The following DCAF8L2 variants were observed in gnomAD, a reference collection of about 807,000 sequenced individuals.
The protein encoded by DCAF8L2 is DDB1 and CUL4 associated factor 8 like 2, also known as DDB1- and CUL4-associated factor 8-like protein 2.
For synonymous variants in DCAF8L2, 200 were observed against 190.9 expected (o/e 1.05, Z -0.39); for missense variants, 430 against 490.7 (o/e 0.88, Z 1.17).
At chrX:27,720,775 AATT>A (rs1931877083) in intron 4 of DCAF8L2, among the ~76,000 whole-genome samples, 1 of 112,059 alleles carries the variant, frequency 8.9e-6, no homozygotes, top group African/African-American at 3.2e-5. Flanking sequence ...ATTTCAAAAA[AATT>A]TAGTCTTCTA....
At chrX:27,568,878 G>A in the DCAF8L2 span, among the ~76,000 whole-genome samples, 1 of 102,206 alleles carries the variant, frequency 9.8e-6, no homozygotes, top group East Asian at 3.1e-4. Context: ...GTGTCCATGT[G>A]TTCTCATTGT....
the DCAF8L2 span, among the ~76,000 whole-genome samples, chrX:27,576,932 A>G: frequency 1.8e-5 from 2 of 111,858 alleles, no homozygotes; most frequent in Admixed American, 1.9e-4. Context: ...GACAAATGAC[A>G]TTGTGACATA....
chrX:27,605,403 A>C (rs954540255), intron 1 of DCAF8L2, among the ~76,000 whole-genome samples: 1 of 111,365 alleles, frequency 9.0e-6, no homozygotes, highest in Non-Finnish European at 1.9e-5. Context: ...GAACTTGAAA[A>C]TTATTTTTCT....
chrX:27,695,678 CT>C (rs1232542277), intron 3 of DCAF8L2, among the ~76,000 whole-genome samples: 1 of 111,281 alleles, frequency 9.0e-6, no homozygotes, highest in Non-Finnish European at 1.9e-5. Context: ...ATATAATAAC[CT>C]TCTCTATAAT....
At chrX:27,506,205 A>C in the DCAF8L2 span, among the ~76,000 whole-genome samples, 2 of 111,762 alleles carry the variant, frequency 1.8e-5, no homozygotes, top group East Asian at 2.8e-4. Context: ...TCAGTGAAAA[A>C]ATTTTCATTC....
chrX:27,490,434 TTGTG>T, the DCAF8L2 span, among the ~76,000 whole-genome samples: 1 of 110,011 alleles, frequency 9.1e-6, no homozygotes, highest in Admixed American at 9.6e-5. Flanking sequence ...GTTTTTTTGT[TTGTG>T]TGTTTGTTTG....
chrX:27,619,596 G>C (rs932227531), intron 1 of DCAF8L2, among the ~76,000 whole-genome samples: 1 of 112,048 alleles, frequency 8.9e-6, no homozygotes, highest in South Asian at 3.7e-4. Context: ...ATTCAAAGAA[G>C]CTAGTGTAAT....
At chrX:27,726,611 C>T (rs1308022300) in intron 4 of DCAF8L2, among the ~76,000 whole-genome samples, 1 of 111,367 alleles carries the variant, frequency 9.0e-6, no homozygotes, top group African/African-American at 3.3e-5. Flanking sequence ...TAATGACTGT[C>T]CTGCCTTCCA....
At chrX:27,709,210 G>A (rs748627671) in intron 3 of DCAF8L2, among the ~76,000 whole-genome samples, 13 of 111,753 alleles carry the variant, frequency 1.2e-4, no homozygotes, top group Non-Finnish European at 2.1e-4. Context: ...GTGAGCCACC[G>A]CGCCCGACCA....
At chrX:27,506,200 G>A in the DCAF8L2 span, among the ~76,000 whole-genome samples, 2 of 111,385 alleles carry the variant, frequency 1.8e-5, no homozygotes, top group Non-Finnish European at 3.8e-5. Context: ...ATAAATCAGT[G>A]AAAAAATTTT....
intron 2 of DCAF8L2, among the ~76,000 whole-genome samples, chrX:27,672,855 G>C (rs1929996215): frequency 8.9e-6 from 1 of 111,786 alleles, no homozygotes; most frequent in Admixed American, 9.6e-5. Flanking sequence ...TTTCCAGTTG[G>C]AGTGATAAGA....
chrX:27,503,390 A>T, the DCAF8L2 span, among the ~76,000 whole-genome samples: 2 of 110,497 alleles, frequency 1.8e-5, no homozygotes, highest in African/African-American at 3.3e-5. Flanking sequence ...TAGGTCATAA[A>T]TTTTTTTCTG....
the DCAF8L2 span, among the ~76,000 whole-genome samples, chrX:27,491,942 C>T: frequency 1.8e-5 from 2 of 112,051 alleles, no homozygotes; most frequent in African/African-American, 6.5e-5. Context: ...AGCAAAAAAT[C>T]ATCCATATTA....
intron 2 of DCAF8L2, chrX:27,676,883 T>C (rs771478955): frequency 1.8e-5 from 2 of 111,578 alleles, no homozygotes; most frequent in Non-Finnish European, 3.8e-5. Flanking sequence ...ACCAGCTCTC[T>C]CCAGACTTTT....
intron 1 of DCAF8L2, among the ~76,000 whole-genome samples, chrX:27,600,073 T>G (rs886545723): frequency 2.7e-5 from 3 of 112,053 alleles, no homozygotes; most frequent in African/African-American, 9.7e-5. Flanking sequence ...GGAAGGATGG[T>G]TGTAACCAGA....
At chrX:27,731,995 T>A (rs1305755217) in intron 4 of DCAF8L2, among the ~76,000 whole-genome samples, 2 of 110,832 alleles carry the variant, frequency 1.8e-5, no homozygotes, top group African/African-American at 6.6e-5. Flanking sequence ...CGGTCCTGGG[T>A]CCTGTGTTGT....
intron 2 of DCAF8L2, among the ~76,000 whole-genome samples, chrX:27,639,594 T>G (rs1602686329): frequency 8.9e-6 from 1 of 111,853 alleles, no homozygotes; most frequent in Non-Finnish European, 1.9e-5. Context: ...CAACTATATA[T>G]ATAATTACAG....
At chrX:27,497,131 A>G in the DCAF8L2 span, among the ~76,000 whole-genome samples, 1 of 110,897 alleles carries the variant, frequency 9.0e-6, no homozygotes, top group Non-Finnish European at 1.9e-5. Flanking sequence ...ATCTATGATG[A>G]TTATTTTGTC....
At chrX:27,525,266 T>A in the DCAF8L2 span, among the ~76,000 whole-genome samples, 2 of 112,194 alleles carry the variant, frequency 1.8e-5, no homozygotes. Flanking sequence ...GTTGAAGTGA[T>A]CCCTTTACCA....
Sources: allele counts gnomAD v4.1 joint callset (sites outside exome capture counted in the v4.1 genomes callset), GRCh38; gene constraint gnomAD v4.1.1; transcripts MANE v1.5; gene names NCBI Gene and HGNC (gene_info 2026-07-23, HGNC 2026-07-21).